Variants in NAF1 observed in about 807,000 individuals in gnomAD.
The protein encoded by NAF1 is nuclear assembly factor 1 ribonucleoprotein.
A neutral mutation model predicts 40.6 loss-of-function variants in NAF1; 11 were observed. That is an observed-to-expected ratio of 0.27 (90% CI 0.17 to 0.45). The LOEUF (loss-of-function observed/expected upper bound fraction) is 0.45. Ranked by LOEUF, NAF1 falls within the 20% of genes least tolerant of loss-of-function variation. The probability of loss-of-function intolerance (pLI) is 1.00; values close to 1 mark genes in which losing one functional copy is unlikely to be tolerated. For missense variants in NAF1, 607 were observed against 611.1 expected, an observed-to-expected ratio of 0.99 and a Z score of 0.07; for synonymous variants, 260 against 228.5, an observed-to-expected ratio of 1.14 and a Z score of -1.24.
At chr4:163,154,349 T>C (rs1271849709) in intron 2 of NAF1, among the ~76,000 whole-genome samples, 2 of 152,156 alleles carry the variant, frequency 1.3e-5, no homozygotes, top group Non-Finnish European at 2.9e-5. Context: ...TCGCCCCAAA[T>C]ACTCCACAAA....
intron 2 of NAF1, among the ~76,000 whole-genome samples, chr4:163,155,916 A>G (rs1731967453): frequency 6.7e-6 from 1 of 149,204 alleles, no homozygotes; most frequent in South Asian, 2.2e-4. Context: ...AGGCATACTA[A>G]TAAACTAAAA....
chr4:163,160,163 G>A (rs1208085734), intron 2 of NAF1, among the ~76,000 whole-genome samples: 1 of 152,074 alleles, frequency 6.6e-6, no homozygotes, highest in Non-Finnish European at 1.5e-5. Flanking sequence ...CAGTGACTGT[G>A]TAGGTTATAT....
intron 2 of NAF1, chr4:163,157,574 C>CT (rs1360467941): frequency 6.6e-6 from 1 of 151,818 alleles, no homozygotes; most frequent in Non-Finnish European, 1.5e-5. Context: ...AAATTATATA[C>CT]TAGATCCCAA....
chr4:163,153,943 C>G (rs1275405667), intron 2 of NAF1, among the ~76,000 whole-genome samples: 2 of 152,142 alleles, frequency 1.3e-5, no homozygotes. Context: ...CAGCTTCACT[C>G]CTGAAGCCAG....
intron 2 of NAF1, among the ~76,000 whole-genome samples, chr4:163,115,036 T>TTA (rs889371508): frequency 2.6e-5 from 4 of 152,050 alleles, no homozygotes; most frequent in African/African-American, 9.7e-5. Context: ...CCTATGACGG[T>TTA]TATCTTAACT....
chr4:163,119,954 T>C (rs1730468545), intron 2 of NAF1: 1 of 152,226 alleles, frequency 6.6e-6, no homozygotes. Context: ...TGCCAACAAA[T>C]ATACGAACAA....
intron 2 of NAF1, among the ~76,000 whole-genome samples, chr4:163,156,496 T>C (rs1451779771): frequency 6.6e-6 from 1 of 151,824 alleles, no homozygotes; most frequent in East Asian, 1.9e-4. Flanking sequence ...AAATTTAAAT[T>C]TAATTAAAAT....
intron 2 of NAF1, among the ~76,000 whole-genome samples, chr4:163,161,405 G>A (rs1579190337): frequency 2.0e-5 from 3 of 152,236 alleles, no homozygotes; most frequent in Middle Eastern, 3.4e-3. Context: ...CCCAGGAGGT[G>A]GAGGTTACAG....
Position 163,129,405 on chromosome 4 carries a change from G to T in NAF1, c.1034-57C>A. The T allele has an allele frequency of 4.8e-6, 7 of 1,467,756 alleles. No individual in the cohort carries two copies. In the South Asian group the frequency reaches 9.1e-5, roughly 19 times the overall value. 90.9% of individuals were successfully genotyped at this position (1,467,756 alleles called of 1,614,324 possible). On this transcript the variant is annotated intron_variant, in intron 7 of 7. Transcript: ENST00000274054. ...GAAAATAAGTTTAATATATCAAAAA[G>T]CATTGTTTGAAATTTCAATTATGAT... is the stretch of plus-strand genomic sequence containing the variant.
chr4:163,108,804 C>T (rs770788434), downstream of NAF1: 1 of 152,048 alleles, frequency 6.6e-6, no homozygotes, highest in East Asian at 1.9e-4. Flanking sequence ...TCTCTGTGGG[C>T]CTACTATGTG....
chr4:163,104,932 A>T, the NAF1 span, among the ~76,000 whole-genome samples: 1 of 152,228 alleles, frequency 6.6e-6, no homozygotes, highest in African/African-American at 2.4e-5. Context: ...TGCATTGGGA[A>T]ATTATGTTTC....
downstream of NAF1, among the ~76,000 whole-genome samples, chr4:163,108,633 G>C (rs970892671): frequency 6.6e-6 from 1 of 152,122 alleles, no homozygotes; most frequent in Admixed American, 6.5e-5. Context: ...AATAAATGGT[G>C]CTTCACTGAT....
chr4:163,124,467 A>G (rs1159330946), downstream of NAF1, among the ~76,000 whole-genome samples: 1 of 152,178 alleles, frequency 6.6e-6, no homozygotes, highest in Admixed American at 6.5e-5. Flanking sequence ...TACTTTAAAC[A>G]ATTTCTTTAG....
At chr4:163,130,611 C>T (rs1730833377) in intron 7 of NAF1, among the ~76,000 whole-genome samples, 1 of 152,080 alleles carries the variant, frequency 6.6e-6, no homozygotes, top group South Asian at 2.1e-4. Flanking sequence ...AATAGACCCA[C>T]ATAAACATAC....
intron 2 of NAF1, among the ~76,000 whole-genome samples, chr4:163,119,171 T>A (rs1026648619): frequency 3.3e-5 from 5 of 152,176 alleles, no homozygotes; most frequent in African/African-American, 1.2e-4. Context: ...TTTTCTGTTG[T>A]TGTTGCGTAT....
chr4:163,152,806 G>T (rs184628029), intron 2 of NAF1, among the ~76,000 whole-genome samples: 115 of 152,376 alleles, frequency 7.5e-4, no homozygotes, highest in African/African-American at 2.7e-3. Context: ...GGCAGGCCAA[G>T]GCCAGAGCCG....
intron 7 of NAF1, among the ~76,000 whole-genome samples, chr4:163,130,011 C>T (rs530451027): frequency 3.9e-5 from 6 of 152,106 alleles, no homozygotes; most frequent in African/African-American, 1.2e-4. Context: ...AACAAGGCAC[C>T]CCTTGGCCAA....
At chr4:163,115,861 T>A (rs1426851578) in intron 2 of NAF1, among the ~76,000 whole-genome samples, 1 of 152,220 alleles carries the variant, frequency 6.6e-6, no homozygotes, top group African/African-American at 2.4e-5. Flanking sequence ...ATCTTGCAGC[T>A]GTTTTGCATA....
Position 163,129,190 on chromosome 4 carries a change from A to C in NAF1, c.1192T>G (p.Ser398Ala). ...GRPPPQHFYNSEHMVSQETSG... is the reference protein window; with the variant it reads ...GRPPPQHFYNAEHMVSQETSG... ...GTCTCCTGAGATACCATATGTTCTGAGTTATAGAAATGCTGAGGTGGAGGC... is the reference window on the plus strand; with the variant it reads ...GTCTCCTGAGATACCATATGTTCTGCGTTATAGAAATGCTGAGGTGGAGGC... The change falls in exon 8 of 8, where the codon TCA becomes GCA. Residue 398 changes from serine (S) to alanine (A), a missense_variant. Ser to Ala is a moderately conservative substitution (Grantham distance 99). This residue lies in a region of NAF1 where 189 missense variants were observed against 216.6 expected (regional missense o/e 0.87). Coordinates refer to ENST00000274054, the MANE Select transcript of NAF1 (RefSeq NM_138386.3). 6.2e-7 allele frequency: 1 copy of C among 1,613,876 alleles called. No homozygotes were observed. The highest frequency in any genetic ancestry group is 1.7e-5 in the Admixed American group (1 of 60,024).
Sources: allele counts gnomAD v4.1 joint callset (sites outside exome capture counted in the v4.1 genomes callset), GRCh38; gene constraint gnomAD v4.1.1; regional missense constraint gnomAD v4.1.1; transcripts MANE v1.5; gene names NCBI Gene and HGNC (gene_info 2026-07-23, HGNC 2026-07-21).